The following HS3ST4 variants were observed in gnomAD, a reference collection of about 807,000 sequenced individuals.
The protein encoded by HS3ST4 is heparan sulfate glucosamine 3-O-sulfotransferase 4.
In HS3ST4, 17 loss-of-function variants were observed where a neutral mutation model predicts 29.2. That is an observed-to-expected ratio of 0.58 (90% CI 0.40 to 0.87). HS3ST4 has a LOEUF of 0.87. Ranked by LOEUF, HS3ST4 falls within the 40% of genes least tolerant of loss-of-function variation. The probability of loss-of-function intolerance (pLI) is 0.00; values close to 1 mark genes in which losing one functional copy is unlikely to be tolerated. For synonymous variants in HS3ST4, 314 were observed against 285.7 expected (o/e 1.10, Z -1.00); for missense variants, 627 against 634.5 (o/e 0.99, Z 0.13).
chr16:25,895,796 G>A (rs1169694790), intron 1 of HS3ST4, among the ~76,000 whole-genome samples: 1 of 152,024 alleles, frequency 6.6e-6, no homozygotes, highest in Non-Finnish European at 1.5e-5. Context: ...TAAGGGCATA[G>A]ATTTCATTCC....
At chr16:25,722,572 C>T (rs761397902) in intron 1 of HS3ST4, among the ~76,000 whole-genome samples, 3 of 152,076 alleles carry the variant, frequency 2.0e-5, no homozygotes, top group Non-Finnish European at 4.4e-5. Flanking sequence ...GGAAAGGTCA[C>T]AATATTTTAA....
intron 1 of HS3ST4, among the ~76,000 whole-genome samples, chr16:26,130,080 G>T (rs573987935): frequency 6.6e-6 from 1 of 152,154 alleles, no homozygotes; most frequent in Non-Finnish European, 1.5e-5. Flanking sequence ...CCAGGACCAG[G>T]AGAGTGCAGT....
intron 1 of HS3ST4, among the ~76,000 whole-genome samples, chr16:25,919,801 C>G (rs1227922226): frequency 6.6e-6 from 1 of 152,244 alleles, no homozygotes; most frequent in East Asian, 1.9e-4. Flanking sequence ...TAAACATGTC[C>G]TGTGGAGTTG....
chr16:26,099,787 A>C (rs1407236291), intron 1 of HS3ST4, among the ~76,000 whole-genome samples: 1 of 152,176 alleles, frequency 6.6e-6, no homozygotes, highest in African/African-American at 2.4e-5. Flanking sequence ...AAGTAAACAC[A>C]CAGACATACA....
chr16:25,880,278 T>C (rs888618615), intron 1 of HS3ST4, among the ~76,000 whole-genome samples: 10 of 152,310 alleles, frequency 6.6e-5, no homozygotes, highest in African/African-American at 2.4e-4. Flanking sequence ...CTAAGTTCCA[T>C]TTGGCCAGGG....
At chr16:26,105,655 T>C (rs1899044018) in intron 1 of HS3ST4, among the ~76,000 whole-genome samples, 1 of 152,226 alleles carries the variant, frequency 6.6e-6, no homozygotes, top group African/African-American at 2.4e-5. Context: ...CTGCCCACTC[T>C]CCCAATCTTC....
At chr16:25,870,925 C>A (rs1181786244) in intron 1 of HS3ST4, among the ~76,000 whole-genome samples, 1 of 152,132 alleles carries the variant, frequency 6.6e-6, no homozygotes, top group African/African-American at 2.4e-5. Flanking sequence ...TCCAATCTAT[C>A]CTGATCCACA....
At chr16:25,862,746 T>G (rs1165557676) in intron 1 of HS3ST4, among the ~76,000 whole-genome samples, 1 of 152,262 alleles carries the variant, frequency 6.6e-6, no homozygotes, top group Non-Finnish European at 1.5e-5. Context: ...GCTATGAATA[T>G]TCTTGTACCT....
At position 26,077,137 on chromosome 16, in the gene HS3ST4, G is replaced by A. The variant is rs534683534; in HGVS notation, c.735-58475G>A. Among the ~76,000 whole-genome samples the A allele has an allele frequency of 2.3e-4, 35 of 152,320 alleles. 1 individual carries two copies. Among genetic ancestry groups the A allele is most frequent in the Admixed American group, 1.4e-3 (22 of 15,298 alleles). On this transcript the variant is annotated intron_variant, in intron 1 of 1. Transcript: ENST00000331351. ...CACTCACTTGACTGGCCACTGGTCTGGCTGTTCACTGGGCCACCTCAGTCT... is the reference window on the plus strand; with the variant it reads ...CACTCACTTGACTGGCCACTGGTCTAGCTGTTCACTGGGCCACCTCAGTCT...
intron 1 of HS3ST4, among the ~76,000 whole-genome samples, chr16:25,832,223 C>T (rs1004393515): frequency 1.3e-5 from 2 of 152,254 alleles, no homozygotes; most frequent in Middle Eastern, 3.4e-3. Context: ...CTTAGTCAAC[C>T]GGGGCTGATT....
chr16:25,788,171 G>A (rs558821394), intron 1 of HS3ST4, among the ~76,000 whole-genome samples: 174 of 152,214 alleles, frequency 1.1e-3, no homozygotes, highest in Non-Finnish European at 1.5e-3. Context: ...CCAACACTTC[G>A]GGAGGCTGAG....
intron 1 of HS3ST4, among the ~76,000 whole-genome samples, chr16:26,045,365 A>T (rs1898251522): frequency 6.6e-6 from 1 of 152,214 alleles, no homozygotes; most frequent in Non-Finnish European, 1.5e-5. Context: ...TCTTTAGTTT[A>T]GTTTAATATA....
chr16:26,133,984 A>G (rs1898245268), intron 1 of HS3ST4, among the ~76,000 whole-genome samples: 1 of 152,218 alleles, frequency 6.6e-6, no homozygotes, highest in Admixed American at 6.5e-5. Flanking sequence ...ACTTTGGTCT[A>G]CATATGCCTG....
At chr16:25,705,046 C>T (rs1966366311) in intron 1 of HS3ST4, among the ~76,000 whole-genome samples, 3 of 152,130 alleles carry the variant, frequency 2.0e-5, no homozygotes, top group Admixed American at 2.0e-4. Flanking sequence ...TATTCCTGGC[C>T]TCTGTTGCTG....
intron 1 of HS3ST4, among the ~76,000 whole-genome samples, chr16:25,780,272 A>G (rs774303654): frequency 2.2e-4 from 33 of 152,264 alleles, no homozygotes; most frequent in Non-Finnish European, 2.5e-4. Flanking sequence ...GCCAAGCTAT[A>G]ATAATAATGG....
Position 25,789,425 on chromosome 16 carries a change from TC to T in HS3ST4, c.734+96276del, listed in dbSNP as rs1432390341. Among the ~76,000 whole-genome samples the T allele has an allele frequency of 9.7e-3, 555 of 57,168 alleles. 13 individuals carry two copies. The highest frequency in any genetic ancestry group is 0.025 in the African/African-American group (304 of 12,264). The allele number at this position is 57,168 out of a possible 152,430, so 37.5% of individuals were successfully genotyped here. A position where few individuals can be genotyped will look rare whatever the true frequency, so the allele number is the denominator to read the frequency against. On this transcript the variant is annotated intron_variant, in intron 1 of 1. Coordinates refer to ENST00000331351, the MANE Select transcript of HS3ST4 (RefSeq NM_006040.3). ...TTTTTTCCTTCCTTCCTTCCTTCCT[TC>T]CTTCCTTCCTTCCTTCCTTCCTTCC...
Position 26,136,525 on chromosome 16 carries a change from T to C in HS3ST4, c.*277T>C. The C allele has an allele frequency of 4.1e-6, 2 of 491,978 alleles. No homozygotes were observed. Among genetic ancestry groups the C allele is most frequent in the East Asian group, 7.3e-5 (2 of 27,526 alleles). The allele number at this position is 491,978 out of a possible 1,614,324, so 30.5% of individuals were successfully genotyped here. ...CATTCTTATCTTCTGCTAGTTAATA[T>C]AGCCTGAAGACAGAGGATAAATAGT... is the stretch of plus-strand genomic sequence containing the variant. On this transcript the variant is annotated 3_prime_UTR_variant, in exon 2 of 2. Coordinates refer to ENST00000331351, the MANE Select transcript of HS3ST4 (RefSeq NM_006040.3).
At position 25,858,549 on chromosome 16, in the gene HS3ST4, A is replaced by C. The variant is rs1293918734; in HGVS notation, c.734+165398A>C. Among the ~76,000 whole-genome samples the C allele has an allele frequency of 2.0e-5, 3 of 152,154 alleles. No homozygotes were observed. In the East Asian group the frequency reaches 5.8e-4, roughly 29 times the overall value. On this transcript the variant is annotated intron_variant, in intron 1 of 1. Transcript: ENST00000331351. ...ACTGGTCCTTTTATTTCTATTTGATAAACTCCGAAGAGTGGGATTTCTGAG... is the reference window on the plus strand; with the variant it reads ...ACTGGTCCTTTTATTTCTATTTGATCAACTCCGAAGAGTGGGATTTCTGAG...
chr16:26,032,832 C>T, intron 1 of HS3ST4: 1 of 1,572,064 alleles, frequency 6.4e-7, no homozygotes, highest in Non-Finnish European at 8.7e-7. Context: ...GCGACGGCAG[C>T]AGGACGTAGG....
Sources: gnomAD v4.1 joint callset for allele counts (sites outside exome capture counted in the v4.1 genomes callset) on GRCh38, gnomAD v4.1.1 for gene constraint, MANE v1.5 for transcripts, NCBI Gene and HGNC (gene_info 2026-07-23, HGNC 2026-07-21) for gene names.